The following BRWD1 variants were observed in gnomAD, a reference collection of about 807,000 sequenced individuals.
BRWD1 encodes bromodomain and WD repeat-containing protein 1.
BRWD1 carries 82 observed loss-of-function variants against 251.2 expected under a neutral mutation model. The ratio of observed to expected loss-of-function variants is 0.33; its 90% CI spans 0.27 to 0.39. BRWD1 has a LOEUF of 0.39. Among genes scored for constraint, BRWD1 ranks in the 10% least tolerant of loss-of-function variants. The probability of loss-of-function intolerance (pLI) is 1.00; values close to 1 mark genes in which losing one functional copy is unlikely to be tolerated. For missense variants in BRWD1, 2,233 were observed against 2,711.6 expected, an observed-to-expected ratio of 0.82 and a Z score of 3.92; for synonymous variants, 918 against 902.8, an observed-to-expected ratio of 1.02 and a Z score of -0.30.
At chr21:39,234,649 G>T (rs2033746085) in intron 23 of BRWD1, among the ~76,000 whole-genome samples, 1 of 152,106 alleles carries the variant, frequency 6.6e-6, no homozygotes, top group Non-Finnish European at 1.5e-5. Context: ...CAATTTAAAT[G>T]GGGCAAAAGA....
At chr21:39,218,117 C>T in intron 31 of BRWD1, 35 bp downstream of exon 31, 2 of 1,569,408 alleles carry the variant, frequency 1.3e-6, no homozygotes, top group Non-Finnish European at 1.7e-6. Context: ...CCAAATATAG[C>T]TTTTTAAACA....
At chr21:39,312,981 C>CGGGCGGGGGGCCGGGGGT in intron 3 of BRWD1, 81 bp from the exon 4 acceptor site, 4 of 569,822 alleles carry the variant, frequency 7.0e-6, no homozygotes, top group Non-Finnish European at 6.4e-6. Flanking sequence ...GGGCGGGCGG[C>CGGGCGGGGGGCCGGGGGT]GGGCGGCGGG....
At chr21:39,287,182 A>G (rs114044556) in intron 8 of BRWD1, among the ~76,000 whole-genome samples, 352 of 152,330 alleles carry the variant, frequency 2.3e-3, no homozygotes, top group African/African-American at 8.2e-3. Context: ...CAAATTTTCC[A>G]AATTTCTCAA....
In BRWD1 at chr21:39,192,411, T is replaced by C; in HGVS notation, c.*3848A>G. 1 of 985,318 alleles carries C rather than the reference T, an allele frequency of 1.0e-6. No homozygotes were observed. The highest frequency in any genetic ancestry group is 1.2e-6 in the Non-Finnish European group (1 of 829,840). 61.0% of individuals were successfully genotyped at this position (985,318 alleles called of 1,614,324 possible). A position where few individuals can be genotyped will look rare whatever the true frequency, so the allele number is the denominator to read the frequency against. ...CCAAATACTAGGATAAGAGACAGTC[T>C]CAAACTGTTAAGTTGCAAATTTCTT... On this transcript the variant is annotated 3_prime_UTR_variant, in exon 41 of 41. Coordinates refer to ENST00000342449, the MANE Select transcript of BRWD1 (RefSeq NM_033656.4).
chr21:39,317,771 C>G (rs983569475), upstream of BRWD1, among the ~76,000 whole-genome samples: 1 of 152,236 alleles, frequency 6.6e-6, no homozygotes, highest in Non-Finnish European at 1.5e-5. Flanking sequence ...GGAAACTAGT[C>G]TGGGCGTAGT....
chr21:39,267,026 G>A (rs990508015), intron 15 of BRWD1, among the ~76,000 whole-genome samples: 1 of 152,186 alleles, frequency 6.6e-6, no homozygotes, highest in Non-Finnish European at 1.5e-5. Flanking sequence ...GAGTATGAAA[G>A]GATAGTTAAG....
intron 15 of BRWD1, among the ~76,000 whole-genome samples, chr21:39,266,746 A>C (rs2034934428): frequency 6.6e-6 from 1 of 152,268 alleles, no homozygotes; most frequent in South Asian, 2.1e-4. Context: ...TTACGTATTC[A>C]TGAAATATTG....
At position 39,238,462 on chromosome 21, in the gene BRWD1, A is replaced by G. The variant is rs780717223; in HGVS notation, c.2576+17T>C. The stretch of plus-strand genomic sequence containing the variant: ...TGACTAAAATGCTTAAAAGACCACA[A>G]CAATAAAAACAGATACCTTGAACTT... On this transcript the variant is annotated intron_variant, in intron 22 of 40. Transcript: ENST00000342449. 1 of 1,591,844 alleles carries G rather than the reference A, an allele frequency of 6.3e-7. No homozygotes were observed. Among genetic ancestry groups the G allele is most frequent in the Non-Finnish European group, 8.6e-7 (1 of 1,160,366 alleles).
Position 39,195,416 on chromosome 21 carries a change from T to C in BRWD1, c.*843A>G, listed in dbSNP as rs1370426432. ...AATTCCTCTATTTCACAGAGTAAGA[T>C]TATGGAAGAGCAAGATTTTGGTTAA... On this transcript the variant is annotated 3_prime_UTR_variant, in exon 41 of 41. Coordinates refer to ENST00000342449, the MANE Select transcript of BRWD1 (RefSeq NM_033656.4). The C allele has an allele frequency of 1.0e-6, 1 of 985,518 alleles. No homozygotes were observed. Among genetic ancestry groups the C allele is most frequent in the African/African-American group, 1.7e-5 (1 of 57,204 alleles). 61.0% of individuals were successfully genotyped at this position (985,518 alleles called of 1,614,324 possible).
In BRWD1 at chr21:39,313,514, G is replaced by GC. The variant is rs2036592970; in HGVS notation, c.-24_-23insG. 3.0e-6 allele frequency: 4 copies of GC among 1,330,056 alleles called. No individual in the cohort carries two copies. Among genetic ancestry groups the GC allele is most frequent in the Admixed American group, 8.4e-5 (2 of 23,898 alleles). The allele number at this position is 1,330,056 out of a possible 1,614,324, so 82.4% of individuals were successfully genotyped here. A position where few individuals can be genotyped will look rare whatever the true frequency, so the allele number is the denominator to read the frequency against. The stretch of plus-strand genomic sequence containing the variant: ...CATGGCCGGGCGCGGGGCGGGAGGC[G>GC]GGAGCGAGCGAGCGAGCGGAGCGTG... On this transcript the variant is annotated 5_prime_UTR_variant, in exon 1 of 41. Transcript: ENST00000342449.
intron 8 of BRWD1, among the ~76,000 whole-genome samples, chr21:39,281,506 G>A (rs2146706700): frequency 6.6e-6 from 1 of 152,200 alleles, no homozygotes; most frequent in South Asian, 2.1e-4. Flanking sequence ...ACCAGCCTAG[G>A]TGACATGGCG....
At chr21:39,258,822 C>A in intron 17 of BRWD1, 150 bp from the exon 18 acceptor site, 1 of 516,956 alleles carries the variant, frequency 1.9e-6, no homozygotes, top group Non-Finnish European at 3.1e-6. Context: ...ACATATTCAC[C>A]AAGAAGTCAG....
Position 39,264,593 on chromosome 21 carries a change from A to C in BRWD1, c.1752T>G (p.Pro584=). ...YVLDEQTQQA[P]HLMPPPFLVD... ...CCAAGAATGGTGGAGGCATAAGATGAGGAGCCTGCTGAGTTTGCTCATCTA... is the reference window on the plus strand; with the variant it reads ...CCAAGAATGGTGGAGGCATAAGATGCGGAGCCTGCTGAGTTTGCTCATCTA... The change falls in exon 17 of 41, where the codon CCT becomes CCG. Residue 584 remains proline, a synonymous_variant. Transcript: ENST00000342449. 2 of 1,613,530 alleles carry C rather than the reference A, an allele frequency of 1.2e-6. No homozygotes were observed. Among genetic ancestry groups the C allele is most frequent in the Non-Finnish European group, 1.7e-6 (2 of 1,179,618 alleles).
intron 10 of BRWD1, 30 bp downstream of exon 10, chr21:39,278,713 A>G: frequency 6.6e-7 from 1 of 1,520,838 alleles, no homozygotes; most frequent in South Asian, 1.3e-5. Context: ...AAAAAAAAAA[A>G]CTAAGAAAAA....
chr21:39,292,122 T>TGGGGGGGGGGGGGGG (rs1336734101), intron 8 of BRWD1, among the ~76,000 whole-genome samples: 1 of 2,184 alleles, frequency 4.6e-4, no homozygotes, highest in Non-Finnish European at 1.1e-3. Context: ...TTGTGGGGGG[T>TGGGGGGGGGGGGGGG]GGGTGGGGGT....
At chr21:39,290,559 G>T (rs895289922) in intron 8 of BRWD1, among the ~76,000 whole-genome samples, 1 of 151,240 alleles carries the variant, frequency 6.6e-6, no homozygotes, top group Admixed American at 6.6e-5. Context: ...GGTGATAAAC[G>T]CATGTGAGCC....
intron 27 of BRWD1, 87 bp from the exon 28 acceptor site, chr21:39,225,284 A>G: frequency 2.3e-6 from 2 of 859,678 alleles, no homozygotes; most frequent in Middle Eastern, 2.2e-4. Context: ...TATGATACAG[A>G]TAAAAAAGCC....
intron 13 of BRWD1, among the ~76,000 whole-genome samples, chr21:39,272,208 G>A (rs553430190): frequency 1.3e-3 from 190 of 151,564 alleles, no homozygotes; most frequent in African/African-American, 4.4e-3. Context: ...GGCGACGCGG[G>A]TGGATCACGA....
chr21:39,314,525 G>T (rs939724188), upstream of BRWD1: 5 of 355,652 alleles, frequency 1.4e-5, no homozygotes, highest in African/African-American at 1.1e-4. Flanking sequence ...GAATCCTCTT[G>T]GAAGACTAGT....
Sources: gnomAD v4.1 joint callset for allele counts (sites outside exome capture counted in the v4.1 genomes callset) on GRCh38, gnomAD v4.1.1 for gene constraint, MANE v1.5 for transcripts, NCBI Gene and HGNC (gene_info 2026-07-23, HGNC 2026-07-21) for gene names.